Variants in GTF3C5 observed in about 807,000 individuals in gnomAD.
GTF3C5 encodes general transcription factor IIIC subunit 5.
Under a neutral mutation model 61.0 loss-of-function variants are expected in GTF3C5, and 47 were observed. That is an observed-to-expected ratio of 0.77 (90% confidence interval 0.61 to 0.98). The LOEUF is 0.98. Among genes scored for constraint, GTF3C5 ranks in the 50% least tolerant of loss-of-function variants. GTF3C5 has a pLI of 0.00. For synonymous variants in GTF3C5, 295 were observed against 275.4 expected, an observed-to-expected ratio of 1.07 and a Z score of -0.71; for missense variants, 659 against 703.3, an observed-to-expected ratio of 0.94 and a Z score of 0.71.
rs1829988744 is a variant in GTF3C5 at position 133,057,923 on chromosome 9, C to T, written c.1503C>T (p.Phe501=). 3.7e-6 allele frequency: 6 copies of T among 1,613,870 alleles called. No individual in the cohort carries two copies. The highest frequency in any genetic ancestry group is 1.3e-5 in the African/African-American group (1 of 74,942). Reference sequence around the variant, plus strand: ...AGGAGGAAGAGGAGGAGGAGGACTTCAAGCCATCCGACGGCAGTGAAAACG... The same window carrying T: ...AGGAGGAAGAGGAGGAGGAGGACTTTAAGCCATCCGACGGCAGTGAAAACG... ...EEEEEEEEED[F]KPSDGSENEM... Residue 501 remains phenylalanine, a synonymous_variant, in exon 11 of 11, where the codon TTC becomes TTT. Coordinates refer to ENST00000372097, the MANE Select transcript of GTF3C5 (RefSeq NM_012087.4).
Position 133,049,383 on chromosome 9 carries a change from C to T in GTF3C5, c.573-1400C>T, listed in dbSNP as rs370892358. Among the ~76,000 whole-genome samples, 160 of 152,328 alleles carry T rather than the reference C, an allele frequency of 1.1e-3. No homozygotes were observed. In the South Asian group the frequency reaches 0.011, roughly 10 times the overall value. On this transcript the variant is annotated intron_variant, in intron 3 of 10. Coordinates refer to ENST00000372097, the MANE Select transcript of GTF3C5 (RefSeq NM_012087.4). ...GCACTTTAAAAAGAAGGCCCAGGCT[C>T]GATCCCGTCTTTCTAGTTTTGTTTC...
At chr9:133,043,683 C>A (rs1464835463) in intron 2 of GTF3C5, 45 bp from the exon 3 acceptor site, 27 of 1,490,854 alleles carry the variant, frequency 1.8e-5, no homozygotes, top group Non-Finnish European at 2.3e-5. Context: ...GGCAGCTGCC[C>A]ATTCCTGGAC....
chr9:133,053,439 G>A (rs1424687013), intron 5 of GTF3C5, among the ~76,000 whole-genome samples: 2 of 152,134 alleles, frequency 1.3e-5, no homozygotes, highest in East Asian at 1.9e-4. Flanking sequence ...TTAAAAATTA[G>A]CTGGGTGTGG....
At chr9:133,033,168 A>T (rs1001101162) in intron 1 of GTF3C5, among the ~76,000 whole-genome samples, 1 of 152,186 alleles carries the variant, frequency 6.6e-6, no homozygotes, top group Non-Finnish European at 1.5e-5. Flanking sequence ...CAAATCCCGC[A>T]GCTATTTGAT....
chr9:133,050,786 AG>A lies in GTF3C5; in HGVS notation c.578del (p.Gly193AlafsTer12). 1.2e-6 allele frequency: 2 copies of A among 1,609,904 alleles called. No individual in the cohort carries two copies. The highest frequency in any genetic ancestry group is 2.7e-5 in the African/African-American group (2 of 74,796). On this transcript the variant is annotated frameshift_variant, in exon 4 of 11. Transcript: ENST00000372097. LOFTEE classifies it high-confidence loss of function. ...CACCTGTACTCTCTGCCCCCAGGGA[AG>A]GCTACAACAATCCCCCCATCTCAGG... is the stretch of plus-strand genomic sequence containing the variant. ...FYRPETQHRE[G>X]YNNPPISGEN...
intron 4 of GTF3C5, among the ~76,000 whole-genome samples, chr9:133,051,679 C>G (rs778640052): frequency 6.6e-6 from 1 of 152,200 alleles, no homozygotes; most frequent in Non-Finnish European, 1.5e-5. Context: ...CCCCTTCAGC[C>G]CTGACGATGT....
chr9:133,054,488 T>A lies in GTF3C5; in HGVS notation c.1069T>A (p.Ser357Thr). The A allele has an allele frequency of 6.2e-7, 1 of 1,613,816 alleles. No homozygotes were observed. The change falls in exon 7 of 11, where the codon TCC becomes ACC. Residue 357 changes from serine to threonine, a missense_variant and splice_region_variant. Coordinates refer to ENST00000372097, the MANE Select transcript of GTF3C5 (RefSeq NM_012087.4). ...CCTCCCCATCACCGTCAAGAAGACA[T>A]GTAAGCGTGCCAGGCGCCTTTTGTG... The part of the protein sequence containing the change: ...YSLPITVKKT[S>T]SQLVTMHDLK...
At chr9:133,057,379 C>G (rs1177207011) in intron 10 of GTF3C5, among the ~76,000 whole-genome samples, 4 of 152,156 alleles carry the variant, frequency 2.6e-5, no homozygotes, top group African/African-American at 7.2e-5. Flanking sequence ...TCACGAGGCT[C>G]GGGGGAGTTA....
chr9:133,054,560 G>A (rs943481645), intron 7 of GTF3C5, 72 bp downstream of exon 7: 11 of 1,492,678 alleles, frequency 7.4e-6, no homozygotes, highest in African/African-American at 5.5e-5. Flanking sequence ...GGACCCAGAC[G>A]GGGAGGTGGT....
Position 133,052,114 on chromosome 9 carries a change from G to A in GTF3C5, c.823G>A (p.Val275Ile), listed in dbSNP as rs1253594467. 1.2e-5 allele frequency: 20 copies of A among 1,608,422 alleles called. No individual in the cohort carries two copies. The highest frequency in any genetic ancestry group is 1.6e-4 in the Middle Eastern group (1 of 6,064). Residue 275 changes from valine to isoleucine, a missense_variant, in exon 5 of 11, where the codon GTC becomes ATC. Val to Ile is a conservative substitution (Grantham distance 29). Transcript: ENST00000372097. Reference sequence around the variant, plus strand: ...AAATGCTGTCAAGGCCAACATCAGCGTCCACCCAGACAAGCTCAAGGTCTT... The same window carrying A: ...AAATGCTGTCAAGGCCAACATCAGCATCCACCCAGACAAGCTCAAGGTCTT... ...SRNAVKANIS[V>I]HPDKLKVLLP...
Position 133,057,866 on chromosome 9 carries a change from C to G in GTF3C5, c.1446C>G (p.Tyr482Ter). ...ATGGCGGAAAAGAGCAGCTGACGTACGAGTCTGGGGAAGACGAGGAGGATG... is the reference window on the plus strand; with the variant it reads ...ATGGCGGAAAAGAGCAGCTGACGTAGGAGTCTGGGGAAGACGAGGAGGATG... ...KADGGKEQLT[Y>*]ESGEDEEDEE... The change falls in exon 11 of 11, where the codon TAC becomes TAG. Residue 482 changes from tyrosine to a stop codon, truncating the protein, a stop_gained. Transcript: ENST00000372097. LOFTEE classifies it high-confidence loss of function. The G allele has an allele frequency of 1.2e-6, 2 of 1,613,498 alleles. No homozygotes were observed. Among genetic ancestry groups the G allele is most frequent in the Non-Finnish European group, 1.7e-6 (2 of 1,179,882 alleles).
At chr9:133,043,577 T>A in intron 2 of GTF3C5, 151 bp from the exon 3 acceptor site, 1 of 639,340 alleles carries the variant, frequency 1.6e-6, no homozygotes, top group South Asian at 1.8e-5. Context: ...TGCAGAGGCA[T>A]TTGGGAAGGG....
chr9:133,052,718 T>G (rs1417606605), intron 5 of GTF3C5, among the ~76,000 whole-genome samples: 1 of 152,206 alleles, frequency 6.6e-6, no homozygotes, highest in Non-Finnish European at 1.5e-5. Flanking sequence ...GACATGACTG[T>G]GAGGGTCTGC....
Position 133,057,968 on chromosome 9 carries a change from G to A in GTF3C5, c.1548G>A (p.Leu516=), listed in dbSNP as rs150317292. 93 of 1,613,938 alleles carry A rather than the reference G, an allele frequency of 5.8e-5. No homozygotes were observed. In the African/African-American group the frequency reaches 1.1e-3, roughly 18 times the overall value. The change falls in exon 11 of 11, where the codon CTG becomes CTA. Residue 516 remains leucine, a synonymous_variant. Coordinates refer to ENST00000372097, the MANE Select transcript of GTF3C5 (RefSeq NM_012087.4). Reference sequence around the variant, plus strand: ...AAAACGAAATGGAGACAGAGATTCTGGACTACGTGTGACAGGGCCCAAGGC... The same window carrying A: ...AAAACGAAATGGAGACAGAGATTCTAGACTACGTGTGACAGGGCCCAAGGC... ...GSENEMETEI[L]DYV
chr9:133,036,081 A>G (rs1238634698), intron 1 of GTF3C5, among the ~76,000 whole-genome samples: 1 of 152,176 alleles, frequency 6.6e-6, no homozygotes, highest in Non-Finnish European at 1.5e-5. Flanking sequence ...CCCATAGACT[A>G]CTGAATATCC....
chr9:133,038,752 C>T (rs778440044), intron 1 of GTF3C5, among the ~76,000 whole-genome samples: 2 of 151,942 alleles, frequency 1.3e-5, no homozygotes, highest in Non-Finnish European at 1.5e-5. Context: ...CCACTGCGCC[C>T]GGCTCCTAGG....
chr9:133,040,076 G>A (rs1300038908), intron 1 of GTF3C5, among the ~76,000 whole-genome samples: 1 of 152,018 alleles, frequency 6.6e-6, no homozygotes, highest in Non-Finnish European at 1.5e-5. Flanking sequence ...CCTTACTCTC[G>A]CTAACCTCAG....
intron 5 of GTF3C5, among the ~76,000 whole-genome samples, chr9:133,053,570 TGAG>T (rs1829826113): frequency 6.6e-6 from 1 of 152,056 alleles, no homozygotes; most frequent in South Asian, 2.1e-4. Flanking sequence ...GGCAACAGAG[TGAG>T]ACCCTCTCCC....
chr9:133,037,543 C>T (rs1457277670), intron 1 of GTF3C5, among the ~76,000 whole-genome samples: 1 of 152,080 alleles, frequency 6.6e-6, no homozygotes, highest in Admixed American at 6.6e-5. Flanking sequence ...GACTTGGAGT[C>T]TTCCCCAATT....
Sources: allele counts gnomAD v4.1 joint callset (sites outside exome capture counted in the v4.1 genomes callset), GRCh38; gene constraint gnomAD v4.1.1; transcripts MANE v1.5; gene names NCBI Gene and HGNC (gene_info 2026-07-23, HGNC 2026-07-21).